The following MINDY3 variants were observed in gnomAD, a reference collection of about 807,000 sequenced individuals.
The protein encoded by MINDY3 is MINDY lysine 48 deubiquitinase 3, also known as ubiquitin carboxyl-terminal hydrolase MINDY-3.
Under a neutral mutation model 69.2 loss-of-function variants are expected in MINDY3, and 38 were observed. The observed-to-expected ratio is 0.55, with a 90% confidence interval of 0.42 to 0.72. MINDY3 has a LOEUF of 0.72. Among genes scored for constraint, MINDY3 ranks in the 30% least tolerant of loss-of-function variants. The pLI is 0.00. For missense variants in MINDY3, 522 were observed against 519.0 expected (o/e 1.01, Z -0.06); for synonymous variants, 192 against 180.1 (o/e 1.07, Z -0.53).
In MINDY3 at chr10:15,860,440, G is replaced by C. The variant is rs1430685846; in HGVS notation, c.-141C>G. On this transcript the variant is annotated 5_prime_UTR_variant, in exon 1 of 15. Transcript: ENST00000277632. Reference sequence around the variant, plus strand: ...GAGGCAGGAAAGAAGAAGGGGCTGAGAGCCACTTGCAGAGACCAAGCCTGT... The same window carrying C: ...GAGGCAGGAAAGAAGAAGGGGCTGACAGCCACTTGCAGAGACCAAGCCTGT... The C allele has an allele frequency of 2.8e-6, 2 of 705,632 alleles. No individual in the cohort carries two copies. The highest frequency in any genetic ancestry group is 4.6e-5 in the Admixed American group (2 of 43,232). 43.7% of individuals were successfully genotyped at this position (705,632 alleles called of 1,614,324 possible). A position where few individuals can be genotyped will look rare whatever the true frequency, so the allele number is the denominator to read the frequency against.
intron 13 of MINDY3, among the ~76,000 whole-genome samples, chr10:15,783,462 T>G (rs1031974791): frequency 1.3e-5 from 2 of 152,164 alleles, no homozygotes; most frequent in Non-Finnish European, 2.9e-5. Flanking sequence ...CATGATTTTT[T>G]TTTACTCTTC....
chr10:15,832,394 G>A (rs955340095), intron 8 of MINDY3, among the ~76,000 whole-genome samples: 1 of 151,992 alleles, frequency 6.6e-6, no homozygotes, highest in Non-Finnish European at 1.5e-5. Context: ...AGGTGACAGA[G>A]AAACAGAGAG....
At chr10:15,791,718 G>A (rs1273974319) in intron 11 of MINDY3, among the ~76,000 whole-genome samples, 1 of 152,098 alleles carries the variant, frequency 6.6e-6, no homozygotes, top group African/African-American at 2.4e-5. Flanking sequence ...AGATTGTGGG[G>A]AGGAATAACT....
intron 13 of MINDY3, among the ~76,000 whole-genome samples, chr10:15,784,669 G>A (rs1375733666): frequency 5.3e-5 from 8 of 152,244 alleles, no homozygotes; most frequent in South Asian, 4.2e-4. Context: ...CCAGGGAGGC[G>A]GAGGTTACAG....
chr10:15,859,087 AT>A lies in MINDY3; in HGVS notation c.94+1118del, dbSNP rs569001520. Among the ~76,000 whole-genome samples, 51 of 152,186 alleles carry A rather than the reference AT, an allele frequency of 3.4e-4. 1 individual carries two copies. The East Asian group carries it at 9.1e-3, about 27-fold the overall frequency. On this transcript the variant is annotated intron_variant, in intron 1 of 14. Transcript: ENST00000277632. ...GCCCAGTCATTTACCTTTACAACTA[AT>A]TTTTTTCGCCTGCAAAGCAACAGTG... is the stretch of plus-strand genomic sequence containing the variant.
At chr10:15,823,810 C>G (rs1403547078) in intron 8 of MINDY3, among the ~76,000 whole-genome samples, 1 of 152,052 alleles carries the variant, frequency 6.6e-6, no homozygotes, top group Non-Finnish European at 1.5e-5. Context: ...TGCCACTGAC[C>G]CTTCCCAGTC....
intron 10 of MINDY3, among the ~76,000 whole-genome samples, chr10:15,810,699 T>A (rs1325586333): frequency 6.6e-6 from 1 of 152,170 alleles, no homozygotes; most frequent in Non-Finnish European, 1.5e-5. Flanking sequence ...GGCACTGCTC[T>A]AGGACCTGGC....
chr10:15,848,023 G>A, intron 1 of MINDY3, 80 bp from the exon 2 acceptor site: 1 of 1,144,978 alleles, frequency 8.7e-7, no homozygotes, highest in Non-Finnish European at 1.3e-6. Flanking sequence ...ACTTTGCTTT[G>A]AGAATGATCA....
intron 8 of MINDY3, among the ~76,000 whole-genome samples, chr10:15,823,408 T>C (rs986830296): frequency 6.6e-6 from 1 of 152,196 alleles, no homozygotes; most frequent in Non-Finnish European, 1.5e-5. Context: ...TCTGTTATAT[T>C]GTATCAGACT....
rs1348087133 is a variant in MINDY3 at position 15,816,911 on chromosome 10, C to T, written c.806G>A (p.Gly269Asp). The change falls in exon 10 of 15, where the codon GGT (glycine) becomes GAT (aspartate). Residue 269 changes from glycine to aspartate, a missense_variant. Gly to Asp is a moderately conservative substitution (Grantham distance 94, BLOSUM62 -1). Coordinates refer to ENST00000277632, the MANE Select transcript of MINDY3 (RefSeq NM_024948.4). ...GAATTTTGGAGATTTCAAGTAAGAA[C>T]CAACCTAGAACAAATGTAGCAAAAT... is the stretch of plus-strand genomic sequence containing the variant. ...LMEALRYCKV[G>D]SYLKSPKFPI... 3 of 1,609,910 alleles carry T rather than the reference C, an allele frequency of 1.9e-6. No homozygotes were observed. In the South Asian group the frequency reaches 3.3e-5, roughly 18 times the overall value.
chr10:15,860,347 G>T lies in MINDY3; in HGVS notation c.-48C>A. The T allele has an allele frequency of 1.4e-6, 2 of 1,390,540 alleles. No homozygotes were observed. The highest frequency in any genetic ancestry group is 1.2e-5 in the South Asian group (1 of 81,494). The allele number at this position is 1,390,540 out of a possible 1,614,324, so 86.1% of individuals were successfully genotyped here. ...CTTCGCTTTGCGGACTCCTGCCCCG[G>T]AACATGGGGAAGGGGCAACTCCGGA... On this transcript the variant is annotated 5_prime_UTR_variant, in exon 1 of 15. Transcript: ENST00000277632.
At chr10:15,783,058 T>C (rs1836669020) in intron 13 of MINDY3, among the ~76,000 whole-genome samples, 1 of 152,104 alleles carries the variant, frequency 6.6e-6, no homozygotes, top group Admixed American at 6.6e-5. Context: ...TGGCCCTCCT[T>C]AGAATTTTTT....
rs1308130992 is a variant in MINDY3, at chr10:15,847,946, A to G, written c.95-3T>C. 6.2e-7 allele frequency: 1 copy of G among 1,611,682 alleles called. No individual in the cohort carries two copies. Among genetic ancestry groups the G allele is most frequent in the Admixed American group, 1.7e-5 (1 of 60,018 alleles). ...CTCTGATTCACTAAACACAAACCCT[A>G]AAAATGAAAGCAAGTAGGAAAGATT... On this transcript the variant is annotated splice_polypyrimidine_tract_variant and splice_region_variant and intron_variant, in intron 1 of 14. Transcript: ENST00000277632.
intron 4 of MINDY3, among the ~76,000 whole-genome samples, chr10:15,840,593 AAACT>A (rs566999986): frequency 1.5e-3 from 229 of 151,792 alleles, no homozygotes; most frequent in African/African-American, 5.3e-3. Flanking sequence ...CTCTTTACGA[AAACT>A]TTCCACAAAG....
chr10:15,785,522 G>A (rs1836888275), intron 13 of MINDY3, among the ~76,000 whole-genome samples: 1 of 152,054 alleles, frequency 6.6e-6, no homozygotes. Flanking sequence ...GTTTAAGATG[G>A]TATAATGTAT....
chr10:15,848,795 T>C (rs1009980515), intron 1 of MINDY3, among the ~76,000 whole-genome samples: 3 of 152,146 alleles, frequency 2.0e-5, no homozygotes, highest in Admixed American at 6.6e-5. Context: ...GGTCAGAAGT[T>C]AGGAGAACCC....
intron 12 of MINDY3, among the ~76,000 whole-genome samples, chr10:15,787,520 C>T (rs937244446): frequency 2.6e-5 from 4 of 152,152 alleles, no homozygotes; most frequent in African/African-American, 9.7e-5. Context: ...GGCAACTTCT[C>T]TCCTTTCAGT....
At chr10:15,810,301 G>A (rs1838911114) in intron 10 of MINDY3, among the ~76,000 whole-genome samples, 1 of 152,042 alleles carries the variant, frequency 6.6e-6, no homozygotes, top group African/African-American at 2.4e-5. Context: ...AAAACAGATA[G>A]TTAAGAGGTT....
intron 14 of MINDY3, among the ~76,000 whole-genome samples, chr10:15,779,475 T>C (rs1836350130): frequency 6.6e-6 from 1 of 152,170 alleles, no homozygotes; most frequent in Non-Finnish European, 1.5e-5. Flanking sequence ...ATTATCATAT[T>C]TACATATAAT....
Sources: gnomAD v4.1 joint callset for allele counts (sites outside exome capture counted in the v4.1 genomes callset) on GRCh38, gnomAD v4.1.1 for gene constraint, MANE v1.5 for transcripts, NCBI Gene and HGNC (gene_info 2026-07-23, HGNC 2026-07-21) for gene names.